Variants in RPS6KC1 observed in about 807,000 individuals in gnomAD.
RPS6KC1 encodes inactive ribosomal protein S6 kinase delta-1.
Under a neutral mutation model 103.8 loss-of-function variants are expected in RPS6KC1, and 54 were observed. The ratio of observed to expected loss-of-function variants is 0.52; its 90% CI spans 0.42 to 0.65. The LOEUF (loss-of-function observed/expected upper bound fraction) is 0.65. RPS6KC1 is among the 30% of genes least tolerant of loss of function. The pLI, the probability that RPS6KC1 is intolerant of heterozygous loss-of-function variation, is 0.00. For missense variants in RPS6KC1, 1,151 were observed against 1,253.8 expected, an observed-to-expected ratio of 0.92 and a Z score of 1.24; for synonymous variants, 439 against 438.7, an observed-to-expected ratio of 1.00 and a Z score of -0.01.
chr1:213,370,363 G>A, the RPS6KC1 span, among the ~76,000 whole-genome samples: 1 of 151,762 alleles, frequency 6.6e-6, no homozygotes, highest in Admixed American at 6.6e-5. Flanking sequence ...TCAGCACCTG[G>A]TGGAATGTCT....
At chr1:213,585,309 C>T in the RPS6KC1 span, among the ~76,000 whole-genome samples, 1 of 152,178 alleles carries the variant, frequency 6.6e-6, no homozygotes, top group South Asian at 2.1e-4. Flanking sequence ...TTTCCCTCTG[C>T]AGAGCCCAGG....
At chr1:213,316,242 C>G in the RPS6KC1 span, among the ~76,000 whole-genome samples, 2 of 152,220 alleles carry the variant, frequency 1.3e-5, no homozygotes, top group African/African-American at 4.8e-5. Context: ...TCCCCTTCTG[C>G]CATGATTGTA....
intron 8 of RPS6KC1, among the ~76,000 whole-genome samples, chr1:213,182,368 G>A (rs1255815642): frequency 6.6e-6 from 1 of 152,090 alleles, no homozygotes; most frequent in Non-Finnish European, 1.5e-5. Flanking sequence ...GTGCACGACT[G>A]TAGTCCCAGC....
chr1:213,072,184 A>C (rs1350482700), intron 2 of RPS6KC1, among the ~76,000 whole-genome samples: 1 of 150,954 alleles, frequency 6.6e-6, no homozygotes, highest in Non-Finnish European at 1.5e-5. Flanking sequence ...TTTGGGTGGT[A>C]GGTTGTTTCT....
chr1:213,372,824 G>T, the RPS6KC1 span, among the ~76,000 whole-genome samples: 1 of 151,724 alleles, frequency 6.6e-6, no homozygotes, highest in African/African-American at 2.4e-5. Context: ...ACACACACAT[G>T]CACACACAAT....
the RPS6KC1 span, among the ~76,000 whole-genome samples, chr1:213,561,729 T>C: frequency 0.031 from 4,718 of 152,262 alleles, 238 homozygotes; most frequent in African/African-American, 0.11. Flanking sequence ...CACCCACTAA[T>C]ACATAACCCA....
At chr1:213,600,810 C>G in the RPS6KC1 span, among the ~76,000 whole-genome samples, 2 of 152,210 alleles carry the variant, frequency 1.3e-5, no homozygotes, top group African/African-American at 4.8e-5. Context: ...GCAATAGTCT[C>G]AAATGTAATA....
At chr1:213,297,518 G>A in the RPS6KC1 span, among the ~76,000 whole-genome samples, 4 of 152,178 alleles carry the variant, frequency 2.6e-5, no homozygotes, top group Non-Finnish European at 4.4e-5. Flanking sequence ...GATTAGCCGA[G>A]AATACTTGAG....
At chr1:213,087,917 C>T (rs58865439) in intron 3 of RPS6KC1, among the ~76,000 whole-genome samples, 5,190 of 152,266 alleles carry the variant, frequency 0.034, 122 homozygotes, top group Middle Eastern at 0.054. Flanking sequence ...GACCTGGTTG[C>T]CCTCCTGGAG....
chr1:213,066,359 G>A (rs927688699), intron 1 of RPS6KC1, among the ~76,000 whole-genome samples: 4 of 152,194 alleles, frequency 2.6e-5, no homozygotes, highest in Non-Finnish European at 5.9e-5. Flanking sequence ...GGCTTGTCAG[G>A]TAATACCTAA....
chr1:213,744,801 G>T, the RPS6KC1 span, among the ~76,000 whole-genome samples: 14 of 152,252 alleles, frequency 9.2e-5, no homozygotes, highest in African/African-American at 3.1e-4. Flanking sequence ...GGTGTGTGCT[G>T]CTGGTCAGCG....
At chr1:213,668,403 C>A in the RPS6KC1 span, among the ~76,000 whole-genome samples, 1 of 51,212 alleles carries the variant, frequency 2.0e-5, no homozygotes, top group Admixed American at 2.4e-4. Flanking sequence ...CCCCGCCGCA[C>A]CACCCCCACC....
intron 6 of RPS6KC1, among the ~76,000 whole-genome samples, chr1:213,155,065 A>T (rs2089712215): frequency 6.6e-6 from 1 of 152,128 alleles, no homozygotes; most frequent in Admixed American, 6.5e-5. Flanking sequence ...TAGGACCTGG[A>T]ATAGGGACCA....
At chr1:213,690,035 G>C in the RPS6KC1 span, among the ~76,000 whole-genome samples, 1 of 152,098 alleles carries the variant, frequency 6.6e-6, no homozygotes, top group Non-Finnish European at 1.5e-5. Context: ...ATGGCCCCCA[G>C]CATCCCACCC....
the RPS6KC1 span, among the ~76,000 whole-genome samples, chr1:213,535,228 A>G: frequency 1.3e-5 from 2 of 152,248 alleles, no homozygotes; most frequent in African/African-American, 4.8e-5. Flanking sequence ...ATATACAATA[A>G]GATGAGTGGA....
the RPS6KC1 span, among the ~76,000 whole-genome samples, chr1:213,776,259 C>A: frequency 6.6e-6 from 1 of 152,116 alleles, no homozygotes; most frequent in African/African-American, 2.4e-5. Flanking sequence ...GGACTTTTCC[C>A]AGATCTGTCG....
At chr1:213,849,394 A>G in the RPS6KC1 span, among the ~76,000 whole-genome samples, 3 of 152,230 alleles carry the variant, frequency 2.0e-5, no homozygotes, top group African/African-American at 7.2e-5. Flanking sequence ...TTTCATTACC[A>G]TTTATCCTAT....
the RPS6KC1 span, among the ~76,000 whole-genome samples, chr1:213,530,567 C>T: frequency 6.6e-6 from 1 of 152,168 alleles, no homozygotes; most frequent in East Asian, 1.9e-4. Context: ...CTGATGCAGA[C>T]GAGGCTCTCA....
the RPS6KC1 span, among the ~76,000 whole-genome samples, chr1:213,370,521 C>T: frequency 2.7e-4 from 41 of 152,186 alleles, no homozygotes; most frequent in African/African-American, 9.9e-4. Flanking sequence ...AACACATGAC[C>T]ACACTGCAGC....
Sources: gnomAD v4.1 joint callset for allele counts (sites outside exome capture counted in the v4.1 genomes callset) on GRCh38, gnomAD v4.1.1 for gene constraint, MANE v1.5 for transcripts, NCBI Gene and HGNC (gene_info 2026-07-23, HGNC 2026-07-21) for gene names.